Variants in RXRG observed in about 807,000 individuals in gnomAD.
RXRG encodes retinoid X receptor gamma.
RXRG carries 19 observed loss-of-function variants against 49.2 expected under a neutral mutation model. The observed-to-expected ratio is 0.39, with a 90% CI of 0.27 to 0.57. The LOEUF is 0.57. Among genes scored for constraint, RXRG ranks in the 20% least tolerant of loss-of-function variants. The pLI is 0.64. For missense variants in RXRG, 452 were observed against 592.5 expected, an observed-to-expected ratio of 0.76 and a Z score of 2.46; for synonymous variants, 224 against 216.6, an observed-to-expected ratio of 1.03 and a Z score of -0.30.
intron 2 of RXRG, among the ~76,000 whole-genome samples, chr1:165,425,146 C>T (rs1166811102): frequency 1.3e-5 from 2 of 152,238 alleles, no homozygotes; most frequent in African/African-American, 4.8e-5. Flanking sequence ...GGCCCTGCTA[C>T]TCACACAGCT....
chr1:165,436,604 A>T (rs1416583898), intron 1 of RXRG, among the ~76,000 whole-genome samples: 1 of 152,144 alleles, frequency 6.6e-6, no homozygotes, highest in Non-Finnish European at 1.5e-5. Flanking sequence ...CCTCGGAGGG[A>T]GCACCATTTT....
chr1:165,408,081 C>G, intron 8 of RXRG, 146 bp downstream of exon 8: 1 of 654,326 alleles, frequency 1.5e-6, no homozygotes. Flanking sequence ...CAAAATGGCT[C>G]TAGCTGACAC....
At position 165,419,878 on chromosome 1, in the gene RXRG, C is replaced by A; in HGVS notation, c.434G>T (p.Arg145Ile). 1 of 1,607,216 alleles carries A rather than the reference C, an allele frequency of 6.2e-7. No homozygotes were observed. Among genetic ancestry groups the A allele is most frequent in the Non-Finnish European group, 8.5e-7 (1 of 1,176,342 alleles). ...TCTGCTTCTGCATGTACCTGAGGAT[C>A]TGTCTCCACAGATGGCACAGATGTG... ...VKHICAICGDRSSGKHYGVYS... is the reference protein window; with the variant it reads ...VKHICAICGDISSGKHYGVYS... Residue 145 changes from arginine to isoleucine, a missense_variant, in exon 3 of 10, where the codon AGA (arginine) becomes ATA (isoleucine). Arg to Ile is a moderately conservative substitution (Grantham distance 97, BLOSUM62 -3). Around this residue, in one of 2 missense-constraint regions of RXRG, gnomAD observed 286 missense variants for 440.9 expected, o/e 0.65. Coordinates refer to ENST00000359842, the MANE Select transcript of RXRG (RefSeq NM_006917.5).
intron 4 of RXRG, 100 bp from the exon 5 acceptor site, chr1:165,411,209 G>A (rs539656908): frequency 8.4e-5 from 101 of 1,203,296 alleles, no homozygotes; most frequent in Non-Finnish European, 1.1e-4. Flanking sequence ...TCTATGAAAG[G>A]GGAATCATTA....
intron 5 of RXRG, 55 bp from the exon 6 acceptor site, chr1:165,410,886 C>T: frequency 6.2e-7 from 1 of 1,613,446 alleles, no homozygotes. Flanking sequence ...AAATACACCC[C>T]TTTCTCCCAT....
intron 3 of RXRG, 37 bp from the exon 4 acceptor site, chr1:165,417,257 T>A (rs773280771): frequency 1.3e-6 from 2 of 1,546,880 alleles, no homozygotes; most frequent in Non-Finnish European, 1.8e-6. Context: ...AGATTGTTCT[T>A]GTGTTTATTT....
intron 1 of RXRG, among the ~76,000 whole-genome samples, chr1:165,439,894 A>G (rs1658927452): frequency 6.6e-6 from 1 of 152,250 alleles, no homozygotes; most frequent in Non-Finnish European, 1.5e-5. Flanking sequence ...TAATTCAAAT[A>G]TAAGAAATGC....
intron 2 of RXRG, among the ~76,000 whole-genome samples, chr1:165,420,238 AATCACAACAC>A (rs1658267556): frequency 6.6e-6 from 1 of 152,206 alleles, no homozygotes; most frequent in East Asian, 1.9e-4. Context: ...TTAAACCAAA[AATCACAACAC>A]ATCTCCATTA....
At chr1:165,419,839 C>T in intron 3 of RXRG, 31 bp downstream of exon 3, 1 of 1,558,234 alleles carries the variant, frequency 6.4e-7, no homozygotes. Flanking sequence ...CTCTGTGGCA[C>T]TTTTCAGGGA....
At chr1:165,401,868 C>T (rs922592650) in intron 9 of RXRG, among the ~76,000 whole-genome samples, 1 of 152,218 alleles carries the variant, frequency 6.6e-6, no homozygotes, top group African/African-American at 2.4e-5. Flanking sequence ...CGTTTGAGAA[C>T]CTTACTCTAG....
intron 1 of RXRG, among the ~76,000 whole-genome samples, chr1:165,439,758 T>C (rs1658923975): frequency 6.6e-6 from 1 of 152,256 alleles, no homozygotes; most frequent in African/African-American, 2.4e-5. Context: ...ACATCTTGTT[T>C]TCTACATCGG....
At chr1:165,426,745 T>C (rs1658498294) in intron 2 of RXRG, among the ~76,000 whole-genome samples, 2 of 152,084 alleles carry the variant, frequency 1.3e-5, no homozygotes, top group African/African-American at 4.8e-5. Context: ...GGTGTGTGTG[T>C]ATATATATAT....
Position 165,419,863 on chromosome 1 carries a change from C to T in RXRG, c.442+7G>A. 1 of 1,601,492 alleles carries T rather than the reference C, an allele frequency of 6.2e-7. No homozygotes were observed. Among genetic ancestry groups the T allele is most frequent in the Middle Eastern group, 1.8e-4 (1 of 5,682 alleles). On this transcript the variant is annotated splice_region_variant and intron_variant, in intron 3 of 9. Coordinates refer to ENST00000359842, the MANE Select transcript of RXRG (RefSeq NM_006917.5). ...ACTTTTCAGGGAGTGTCTGCTTCTG[C>T]ATGTACCTGAGGATCTGTCTCCACA...
intron 2 of RXRG, among the ~76,000 whole-genome samples, chr1:165,426,635 C>T (rs144562911): frequency 8.5e-5 from 13 of 152,286 alleles, no homozygotes; most frequent in Non-Finnish European, 1.6e-4. Flanking sequence ...GCAGAAAATG[C>T]TGACATAAAA....
At chr1:165,402,675 C>T (rs193079354) in intron 9 of RXRG, among the ~76,000 whole-genome samples, 11 of 152,066 alleles carry the variant, frequency 7.2e-5, no homozygotes, top group Non-Finnish European at 1.2e-4. Flanking sequence ...CACACATACA[C>T]ACATGCCCAC....
intron 2 of RXRG, among the ~76,000 whole-genome samples, chr1:165,427,417 T>C (rs1658521933): frequency 1.3e-5 from 1 of 76,294 alleles, no homozygotes; most frequent in South Asian, 5.0e-4. Flanking sequence ...TTGTTTTGTT[T>C]TGTTTTGTTT....
At chr1:165,436,254 C>T (rs761136765) in intron 1 of RXRG, among the ~76,000 whole-genome samples, 5 of 152,126 alleles carry the variant, frequency 3.3e-5, no homozygotes, top group Non-Finnish European at 7.4e-5. Context: ...ACTGAGTTTC[C>T]CTGAGTCCCC....
At chr1:165,444,743 G>T in intron 1 of RXRG, 102 bp downstream of exon 1, 1 of 1,034,402 alleles carries the variant, frequency 9.7e-7, no homozygotes, top group Non-Finnish European at 1.5e-6. Context: ...AAACATATAT[G>T]TTCTCCTTTT....
At chr1:165,408,501 G>A (rs1657830537) in intron 7 of RXRG, among the ~76,000 whole-genome samples, 183 bp from the exon 8 acceptor site, 1 of 152,134 alleles carries the variant, frequency 6.6e-6, no homozygotes, top group Non-Finnish European at 1.5e-5. Context: ...TTTAACTAAA[G>A]AAACAGACAT....
Sources: allele counts gnomAD v4.1 joint callset (sites outside exome capture counted in the v4.1 genomes callset), GRCh38; gene constraint gnomAD v4.1.1; regional missense constraint gnomAD v4.1.1; transcripts MANE v1.5; gene names NCBI Gene and HGNC (gene_info 2026-07-23, HGNC 2026-07-21).